RHOA: variants seen among roughly 807,000 people sequenced by gnomAD.
The protein encoded by RHOA is transforming protein RhoA.
RHOA carries 3 observed loss-of-function variants against 17.5 expected under a neutral mutation model. The observed-to-expected ratio is 0.17, with a 90% CI of 0.08 to 0.44. RHOA has a LOEUF of 0.44. RHOA is among the 20% of genes least tolerant of loss of function. The probability of loss-of-function intolerance (pLI) is 0.99; values close to 1 mark genes in which losing one functional copy is unlikely to be tolerated. For missense variants in RHOA, 56 were observed against 242.3 expected (o/e 0.23, Z 5.10); for synonymous variants, 98 against 88.4 (o/e 1.11, Z -0.61).
intron 1 of RHOA, among the ~76,000 whole-genome samples, chr3:49,399,982 A>C (rs2048694618): frequency 6.6e-6 from 1 of 152,058 alleles, no homozygotes. Flanking sequence ...GCACGTTGGG[A>C]GGCCGAGGTG....
chr3:49,385,110 G>A (rs548508235), intron 1 of RHOA, among the ~76,000 whole-genome samples: 1 of 151,880 alleles, frequency 6.6e-6, no homozygotes, highest in African/African-American at 2.4e-5. Flanking sequence ...GTCTTGCTGT[G>A]TTGCCCTGGC....
At chr3:49,385,044 C>T (rs890643046) in intron 1 of RHOA, among the ~76,000 whole-genome samples, 2 of 149,654 alleles carry the variant, frequency 1.3e-5, no homozygotes, top group Non-Finnish European at 3.0e-5. Context: ...GTCTGGGTGA[C>T]AGCAAGACTG....
At chr3:49,371,810 T>A (rs991636673) in intron 2 of RHOA, among the ~76,000 whole-genome samples, 1 of 152,196 alleles carries the variant, frequency 6.6e-6, no homozygotes, top group African/African-American at 2.4e-5. Flanking sequence ...CCTCAAGGTT[T>A]TAAGTCAAGG....
chr3:49,380,463 A>T (rs9854297), intron 1 of RHOA, among the ~76,000 whole-genome samples: 129,502 of 152,058 alleles, frequency 0.85, 55,733 homozygotes, highest in East Asian at 1. Context: ...ATCCCAGCAC[A>T]CTGGGAGGCC....
rs574720543 is a variant in RHOA at position 49,405,387 on chromosome 3, C to T, written c.-3+6433G>A. On this transcript the variant is annotated intron_variant, in intron 1 of 4. Coordinates refer to ENST00000418115, the MANE Select transcript of RHOA (RefSeq NM_001664.4). ...TGGAGGTTGCAGTGAGCTGGGATCA[C>T]GCCATTGCACTCCAGCCTGGGCAAC... 2.0e-3 allele frequency among the ~76,000 whole-genome samples: 298 copies of T among 151,978 alleles called. 2 individuals are homozygous for T. Among genetic ancestry groups the T allele is most frequent in the African/African-American group, 6.8e-3 (280 of 41,466 alleles).
chr3:49,404,951 A>G (rs1353991585), intron 1 of RHOA, among the ~76,000 whole-genome samples: 1 of 146,528 alleles, frequency 6.8e-6, no homozygotes, highest in Non-Finnish European at 1.5e-5. Context: ...AAAAAAAAAA[A>G]TAATAAAAAA....
At chr3:49,386,270 C>T (rs1447408064) in intron 1 of RHOA, among the ~76,000 whole-genome samples, 2 of 152,076 alleles carry the variant, frequency 1.3e-5, no homozygotes, top group African/African-American at 4.8e-5. Flanking sequence ...TCCTCCCTTC[C>T]GTTTTCTCCT....
At chr3:49,398,038 C>T (rs2048647415) in intron 1 of RHOA, among the ~76,000 whole-genome samples, 1 of 152,300 alleles carries the variant, frequency 6.6e-6, no homozygotes, top group Non-Finnish European at 1.5e-5. Flanking sequence ...TCTTTCGCTA[C>T]ATTCAGTCAA....
At chr3:49,400,971 G>A (rs892867722) in intron 1 of RHOA, among the ~76,000 whole-genome samples, 4 of 130,712 alleles carry the variant, frequency 3.1e-5, no homozygotes, top group African/African-American at 8.5e-5. Context: ...GCGTGAACCC[G>A]GGAGGCAGAA....
chr3:49,392,508 A>G (rs1439797120), intron 1 of RHOA, among the ~76,000 whole-genome samples: 2 of 152,164 alleles, frequency 1.3e-5, no homozygotes, highest in Non-Finnish European at 2.9e-5. Flanking sequence ...TCAAGTAAGT[A>G]AAAATTTTAA....
intron 1 of RHOA, among the ~76,000 whole-genome samples, chr3:49,390,051 C>T (rs1055523535): frequency 2.0e-5 from 3 of 152,122 alleles, no homozygotes; most frequent in African/African-American, 7.2e-5. Flanking sequence ...AAGGAGCCTT[C>T]CCCTCCTTTA....
intron 1 of RHOA, among the ~76,000 whole-genome samples, chr3:49,398,163 CCA>C (rs1252468899): frequency 6.6e-6 from 1 of 151,380 alleles, no homozygotes; most frequent in East Asian, 2.0e-4. Context: ...GAGTTTGAGA[CCA>C]CCCCGGCCAA....
intron 2 of RHOA, among the ~76,000 whole-genome samples, chr3:49,374,739 A>C (rs1306694574): frequency 6.7e-6 from 1 of 148,702 alleles, no homozygotes; most frequent in Non-Finnish European, 1.5e-5. Context: ...AAAACAAAAC[A>C]AAAAAAAAAC....
intron 1 of RHOA, chr3:49,406,702 C>T (rs955300743): frequency 2.0e-5 from 3 of 151,984 alleles, no homozygotes; most frequent in African/African-American, 7.3e-5. Context: ...ACGAGAATCG[C>T]TTGACTCACA....
intron 2 of RHOA, among the ~76,000 whole-genome samples, chr3:49,368,949 C>T (rs541661217): frequency 1.2e-3 from 179 of 146,444 alleles, no homozygotes; most frequent in Non-Finnish European, 2.3e-3. Context: ...CCTCATGATC[C>T]GTCCGCCTCG....
At chr3:49,400,260 C>A (rs1054287635) in intron 1 of RHOA, among the ~76,000 whole-genome samples, 1 of 151,456 alleles carries the variant, frequency 6.6e-6, no homozygotes, top group Non-Finnish European at 1.5e-5. Context: ...CATACTGCCC[C>A]CCTCTCCCCC....
intron 1 of RHOA, among the ~76,000 whole-genome samples, chr3:49,397,480 G>C (rs560692987): frequency 2.6e-5 from 4 of 152,224 alleles, no homozygotes; most frequent in South Asian, 2.1e-4. Context: ...TTATATCTCA[G>C]TAAAATTGTT....
intron 2 of RHOA, among the ~76,000 whole-genome samples, chr3:49,369,684 A>G (rs2107841046): frequency 6.6e-6 from 1 of 151,974 alleles, no homozygotes; most frequent in South Asian, 2.1e-4. Context: ...GCAGTGAGCC[A>G]AGATCGTGCC....
chr3:49,401,550 C>T (rs1222775490), intron 1 of RHOA, among the ~76,000 whole-genome samples: 1 of 99,516 alleles, frequency 1.0e-5, no homozygotes, highest in Non-Finnish European at 2.0e-5. Context: ...AAGAATGAAA[C>T]TCTGTCTCAA....
Sources: gnomAD v4.1 joint callset for allele counts (sites outside exome capture counted in the v4.1 genomes callset) on GRCh38, gnomAD v4.1.1 for gene constraint, MANE v1.5 for transcripts, NCBI Gene and HGNC (gene_info 2026-07-23, HGNC 2026-07-21) for gene names.